Variants in CACNA1A observed in about 807,000 individuals in gnomAD.
CACNA1A encodes calcium voltage-gated channel subunit alpha1 A.
CACNA1A carries 57 observed loss-of-function variants against 262.4 expected under a neutral mutation model. That is an observed-to-expected ratio of 0.22 (90% confidence interval 0.18 to 0.27). The LOEUF is 0.27. CACNA1A is among the 10% of genes least tolerant of loss of function. The pLI, the probability that CACNA1A is intolerant of heterozygous loss-of-function variation, is 1.00. For synonymous variants in CACNA1A, 1,431 were observed against 1,419.3 expected, an observed-to-expected ratio of 1.01 and a Z score of -0.18; for missense variants, 2,526 against 3,562.8, an observed-to-expected ratio of 0.71 and a Z score of 7.41.
At chr19:13,229,015 G>A (rs1339411189) in intron 36 of CACNA1A, 1 of 316,252 alleles carries the variant, frequency 3.2e-6, no homozygotes. Context: ...CTCCCCTGGG[G>A]CTCTCTCTGC....
chr19:13,245,016 GC>G, intron 31 of CACNA1A, 165 bp downstream of exon 31: 1 of 622,366 alleles, frequency 1.6e-6, no homozygotes, highest in African/African-American at 1.8e-5. Flanking sequence ...CTGAGGGGCT[GC>G]CCTTGTCCCC....
At chr19:13,307,721 C>G (rs917610945) in intron 15 of CACNA1A, 61 bp downstream of exon 15, 1 of 1,399,002 alleles carries the variant, frequency 7.1e-7, no homozygotes, top group African/African-American at 1.4e-5. Flanking sequence ...GGATGTGGAG[C>G]AGGCACTTTC....
chr19:13,241,555 AGCGGGCGG>A lies in CACNA1A; in HGVS notation c.4950+3619_4950+3626del. The A allele has an allele frequency of 9.9e-6, 3 of 302,482 alleles. No homozygotes were observed. Among genetic ancestry groups the A allele is most frequent in the Non-Finnish European group, 1.2e-5 (2 of 166,576 alleles). The allele number at this position is 302,482 out of a possible 1,614,324, so 18.7% of individuals were successfully genotyped here. A position where few individuals can be genotyped will look rare whatever the true frequency, so the allele number is the denominator to read the frequency against. On this transcript the variant is annotated intron_variant, in intron 31 of 46. Transcript: ENST00000360228. This position sits in a 1 kb window ranked among gnomAD's most constrained non-coding sequence, Gnocchi z 4.0. The stretch of plus-strand genomic sequence containing the variant: ...GATGCAGATGTTGAAGATGAGGGGG[AGCGGGCGG>A]GCGGGGGCAGTTGGGGAGGCGTGTT...
At chr19:13,350,826 G>T (rs1321254010) in intron 6 of CACNA1A, among the ~76,000 whole-genome samples, 1 of 152,126 alleles carries the variant, frequency 6.6e-6, no homozygotes, top group East Asian at 1.9e-4. Context: ...CAATGTGTGA[G>T]AACATGTCTC....
At position 13,223,106 on chromosome 19, in the gene CACNA1A, C is replaced by A. The variant is rs554259137; in HGVS notation, c.5731+1561G>T. ...GTGGTGCGATCATGACTCACTGCAG[C>A]CTCAAACTCCTGGCTTCAAGCAATA... On this transcript the variant is annotated intron_variant, in intron 38 of 46. Transcript: ENST00000360228. Among the ~76,000 whole-genome samples, 19 of 152,286 alleles carry A rather than the reference C, an allele frequency of 1.2e-4. No individual in the cohort carries two copies. In the South Asian group the frequency reaches 3.9e-3, roughly 32 times the overall value.
chr19:13,396,185 G>A (rs1450890539), intron 3 of CACNA1A, among the ~76,000 whole-genome samples: 7 of 152,140 alleles, frequency 4.6e-5, no homozygotes, highest in African/African-American at 1.4e-4. Flanking sequence ...CCAAGGTTCC[G>A]GAAGGCCAGG....
At chr19:13,402,601 A>G (rs1415285429) in intron 3 of CACNA1A, among the ~76,000 whole-genome samples, 6 of 150,590 alleles carry the variant, frequency 4.0e-5, no homozygotes, top group Non-Finnish European at 8.9e-5. Context: ...TCTAAAGAAA[A>G]CCCCAAAACC....
Position 13,312,690 on chromosome 19 carries a change from G to A in CACNA1A, c.1647C>T (p.Ser549=), listed in dbSNP as rs866879440. The A allele has an allele frequency of 1.9e-6, 3 of 1,590,496 alleles. No homozygotes were observed. Among genetic ancestry groups the A allele is most frequent in the African/African-American group, 2.7e-5 (2 of 73,228 alleles). The change falls in exon 12 of 47, where the codon TCC becomes TCT. Residue 549 remains serine (S), a synonymous_variant. Transcript: ENST00000360228. ...TTACCCCACAGTCAAAGCAGTTGAA[G>A]GAAGAGTGGAAGTAAGGCCGCGTCC... ...GLGTRPYFHS[S]FNCFDCGVII...
intron 6 of CACNA1A, among the ~76,000 whole-genome samples, chr19:13,357,305 A>G (rs1433233568): frequency 2.6e-5 from 4 of 152,226 alleles, no homozygotes; most frequent in Non-Finnish European, 5.9e-5. Flanking sequence ...GCATTCCAAT[A>G]ATGGAACACT....
intron 19 of CACNA1A, among the ~76,000 whole-genome samples, chr19:13,291,744 C>T (rs2057544548): frequency 6.6e-6 from 1 of 151,536 alleles, no homozygotes; most frequent in Non-Finnish European, 1.5e-5. Flanking sequence ...GAGTTTGAGG[C>T]TACAGTGAGC....
At chr19:13,210,772 A>G in intron 43 of CACNA1A, 120 bp from the exon 44 acceptor site, 1 of 1,008,434 alleles carries the variant, frequency 9.9e-7, no homozygotes, top group Non-Finnish European at 1.5e-6. Flanking sequence ...GGGGAGTGGC[A>G]CTGGCATCAA....
chr19:13,296,074 T>C (rs985165686), intron 19 of CACNA1A, among the ~76,000 whole-genome samples: 1 of 152,206 alleles, frequency 6.6e-6, no homozygotes, highest in South Asian at 2.1e-4. Context: ...ATGGTGTACA[T>C]ATCAGAATTA....
intron 5 of CACNA1A, among the ~76,000 whole-genome samples, chr19:13,360,972 GT>G (rs544979891): frequency 1.8e-3 from 277 of 152,224 alleles, no homozygotes; most frequent in Non-Finnish European, 3.0e-3. Flanking sequence ...AAACTTTATG[GT>G]CCATAATATA....
At position 13,318,890 on chromosome 19, in the gene CACNA1A, C is replaced by CTTTTTTT. The variant is rs751530649; in HGVS notation, c.1346-1576_1346-1570dup. 5.2e-3 allele frequency among the ~76,000 whole-genome samples: 592 copies of CTTTTTTT among 114,648 alleles called. 29 individuals carry two copies. The highest frequency in any genetic ancestry group is 0.013 in the Middle Eastern group (3 of 224). The allele number at this position is 114,648 out of a possible 152,430, so 75.2% of individuals were successfully genotyped here. A position where few individuals can be genotyped will look rare whatever the true frequency, so the allele number is the denominator to read the frequency against. On this transcript the variant is annotated intron_variant, in intron 10 of 46. Transcript: ENST00000360228. ...ATTGAATTTACCTTCTAAAATACAT[C>CTTTTTTT]TTTTTTTTTTTTTTTTGAGACAGGA...
chr19:13,229,073 T>A, intron 36 of CACNA1A: 1 of 215,448 alleles, frequency 4.6e-6, no homozygotes, highest in Non-Finnish European at 9.2e-6. Context: ...GGGGGGGGGC[T>A]TGTGGAATAG....
rs2054789328 is a variant in CACNA1A, at chr19:13,210,906, GCAGA to G, written c.6304-258_6304-255del. ...GGTACAGAGGAGACAGACAGGAGAT[GCAGA>G]CAGACAAATGGCAGAGGCATGGGAC... On this transcript the variant is annotated intron_variant, in intron 43 of 46. Transcript: ENST00000360228. 9 of 568,958 alleles carry G rather than the reference GCAGA, an allele frequency of 1.6e-5. No homozygotes were observed. The Admixed American group carries it at 2.1e-4, about 13-fold the overall frequency. 35.2% of individuals were successfully genotyped at this position (568,958 alleles called of 1,614,324 possible).
rs780908964 is a variant in CACNA1A, at chr19:13,294,487, C to CTTTTTTTTTTTTTTTTTTT, written c.3089+4038_3089+4056dup. ...TACAGGTGCATACCACTGTACCTGG[C>CTTTTTTTTTTTTTTTTTTT]TTTTTTTTTTTTTTTTTTTTTTTGA... On this transcript the variant is annotated intron_variant, in intron 19 of 46. Transcript: ENST00000360228. Among the ~76,000 whole-genome samples the CTTTTTTTTTTTTTTTTTTT allele has an allele frequency of 5.9e-4, 43 of 72,526 alleles. 3 individuals are homozygous for CTTTTTTTTTTTTTTTTTTT. The highest frequency in any genetic ancestry group is 1.5e-3 in the East Asian group (3 of 2,000). The allele number at this position is 72,526 out of a possible 152,430, so 47.6% of individuals were successfully genotyped here. A position where few individuals can be genotyped will look rare whatever the true frequency, so the allele number is the denominator to read the frequency against.
intron 36 of CACNA1A, chr19:13,228,875 C>T (rs1309943990): frequency 1.7e-5 from 12 of 718,092 alleles, no homozygotes; most frequent in South Asian, 1.2e-4. Context: ...TCATGATGCC[C>T]GAGGCTGGGG....
Position 13,344,034 on chromosome 19 carries a change from A to AC in CACNA1A, c.979-8126dup, listed in dbSNP as rs555847512. 3.4e-3 allele frequency among the ~76,000 whole-genome samples: 521 copies of AC among 152,150 alleles called. 1 individual carries two copies. The highest frequency in any genetic ancestry group is 0.012 in the African/African-American group (496 of 41,526). On this transcript the variant is annotated intron_variant, in intron 6 of 46. Transcript: ENST00000360228. ...AGACCAGCCTGGGCAACACAGTGAG[A>AC]CCCCATCTCTAAAAAATAAAAATAA... is the stretch of plus-strand genomic sequence containing the variant.
Sources: gnomAD v4.1 joint callset for allele counts (sites outside exome capture counted in the v4.1 genomes callset) on GRCh38, gnomAD v4.1.1 for gene constraint, Gnocchi (gnomAD v3.1) non-coding constraint, MANE v1.5 for transcripts, NCBI Gene and HGNC (gene_info 2026-07-23, HGNC 2026-07-21) for gene names.